The following PREX2 variants were observed in gnomAD, a reference collection of about 807,000 sequenced individuals.
PREX2 encodes the protein phosphatidylinositol 3,4,5-trisphosphate-dependent Rac exchanger 2 protein.
In PREX2, 107 loss-of-function variants were observed where a neutral mutation model predicts 203.2. That is an observed-to-expected ratio of 0.53 (90% confidence interval 0.45 to 0.62). The LOEUF (loss-of-function observed/expected upper bound fraction) is 0.62, where lower values mean the gene tolerates loss of function less well. Ranked by LOEUF, PREX2 falls within the 20% of genes least tolerant of loss-of-function variation. The pLI is 0.00. For missense variants in PREX2, 1,777 were observed against 1,955.9 expected (o/e 0.91, Z 1.72); for synonymous variants, 672 against 663.6 (o/e 1.01, Z -0.19).
chr8:68,121,090 T>G, intron 30 of PREX2, 41 bp downstream of exon 30: 1 of 1,602,100 alleles, frequency 6.2e-7, no homozygotes, highest in Non-Finnish European at 8.5e-7. Context: ...ATATTAGCAA[T>G]AATCAATTTA....
chr8:67,963,038 G>A (rs965689565), intron 1 of PREX2, among the ~76,000 whole-genome samples: 1 of 152,124 alleles, frequency 6.6e-6, no homozygotes, highest in Admixed American at 6.6e-5. Context: ...AGTACCCAAT[G>A]TTCTTTTCTT....
intron 37 of PREX2, among the ~76,000 whole-genome samples, chr8:68,206,437 C>G (rs887900816): frequency 6.6e-6 from 1 of 151,990 alleles, no homozygotes; most frequent in Admixed American, 6.6e-5. Context: ...TAGGATAACC[C>G]CTGTAAGAGC....
intron 11 of PREX2, among the ~76,000 whole-genome samples, chr8:68,067,876 G>C (rs1809067580): frequency 6.6e-6 from 1 of 151,914 alleles, no homozygotes; most frequent in Non-Finnish European, 1.5e-5. Context: ...ATTATGTTGA[G>C]GTGCATTTTG....
At chr8:68,209,996 G>T (rs1812713638) in intron 37 of PREX2, among the ~76,000 whole-genome samples, 1 of 152,140 alleles carries the variant, frequency 6.6e-6, no homozygotes, top group African/African-American at 2.4e-5. Flanking sequence ...AAGTGATTCA[G>T]TTATGTTATT....
rs774338741 is a variant in PREX2, at chr8:68,146,285, T to C, written c.4164T>C (p.Phe1388=). 6.2e-7 allele frequency: 1 copy of C among 1,612,852 alleles called. No homozygotes were observed. Among genetic ancestry groups the C allele is most frequent in the African/African-American group, 1.3e-5 (1 of 74,886 alleles). Residue 1388 remains phenylalanine (F), a synonymous_variant, in exon 34 of 40, where the codon TTT becomes TTC. Transcript: ENST00000288368. Reference sequence around the variant, plus strand: ...ACTTCTACATTGATAGTTATCATTTTGAACAACTTCCTCAACGGCTGAAAA... The same window carrying C: ...ACTTCTACATTGATAGTTATCATTTCGAACAACTTCCTCAACGGCTGAAAA... ...KVYFYIDSYH[F]EQLPQRLKNG... is the part of the protein sequence containing the mutation.
At chr8:67,970,243 C>T (rs1805889936) in intron 1 of PREX2, among the ~76,000 whole-genome samples, 1 of 152,024 alleles carries the variant, frequency 6.6e-6, no homozygotes, top group Non-Finnish European at 1.5e-5. Flanking sequence ...GAGTCATAGC[C>T]TCTAAATTTC....
chr8:68,082,718 A>G (rs1809567066), intron 17 of PREX2: 2 of 152,528 alleles, frequency 1.3e-5, no homozygotes, highest in Non-Finnish European at 2.9e-5. Context: ...TCCTCTTTTC[A>G]GCAGCTTGCA....
Position 68,099,678 on chromosome 8 carries a change from G to T in PREX2, c.2554-4G>T. The T allele has an allele frequency of 6.2e-7, 1 of 1,612,562 alleles. No homozygotes were observed. The highest frequency in any genetic ancestry group is 1.1e-5 in the South Asian group (1 of 91,034). ...TGGGTGTGCGTGTGTGTTTGTCATT[G>T]CAGATTCTTGAAGCCCTGGCTAAAA... On this transcript the variant is annotated splice_region_variant and splice_polypyrimidine_tract_variant and intron_variant, in intron 22 of 39. Coordinates refer to ENST00000288368, the MANE Select transcript of PREX2 (RefSeq NM_024870.4).
At chr8:68,150,226 G>C (rs1009959877) in intron 34 of PREX2, among the ~76,000 whole-genome samples, 1 of 152,166 alleles carries the variant, frequency 6.6e-6, no homozygotes, top group Admixed American at 6.5e-5. Flanking sequence ...ACTGGGAGAG[G>C]CTTTTCCAGG....
In PREX2 at chr8:68,230,775, T is replaced by C. The variant is rs866388444; in HGVS notation, c.4776-558T>C. On this transcript the variant is annotated intron_variant, in intron 39 of 39. Coordinates refer to ENST00000288368, the MANE Select transcript of PREX2 (RefSeq NM_024870.4). Reference sequence around the variant, plus strand: ...CGGGTGAGTGGGCCCTGGGCAGAGCTGGGTAATTTATCCTTAGGAAACTCT... The same window carrying C: ...CGGGTGAGTGGGCCCTGGGCAGAGCCGGGTAATTTATCCTTAGGAAACTCT... Among the ~76,000 whole-genome samples, 16 of 152,270 alleles carry C rather than the reference T, an allele frequency of 1.1e-4. 1 individual carries two copies. The highest frequency in any genetic ancestry group is 3.4e-3 in the Middle Eastern group (1 of 294).
intron 7 of PREX2, 41 bp downstream of exon 7, chr8:68,038,333 T>C (rs1808096678): frequency 6.2e-7 from 1 of 1,601,826 alleles, no homozygotes; most frequent in South Asian, 1.1e-5. Flanking sequence ...GTGGTCACAG[T>C]TTCTACCTTT....
intron 1 of PREX2, among the ~76,000 whole-genome samples, chr8:67,969,367 C>G (rs1805861441): frequency 6.6e-6 from 1 of 152,142 alleles, no homozygotes; most frequent in African/African-American, 2.4e-5. Context: ...TGAGCCCACT[C>G]TCAGGTATTC....
intron 8 of PREX2, among the ~76,000 whole-genome samples, chr8:68,050,101 A>G (rs1424498466): frequency 6.6e-6 from 1 of 151,964 alleles, no homozygotes; most frequent in African/African-American, 2.4e-5. Context: ...TTATTTTTAA[A>G]TTGGTGTGAT....
At chr8:68,222,504 C>T (rs944195906) in intron 38 of PREX2, among the ~76,000 whole-genome samples, 1 of 151,058 alleles carries the variant, frequency 6.6e-6, no homozygotes, top group African/African-American at 2.4e-5. Flanking sequence ...TGAGTCCACA[C>T]TGATTTAAAT....
At chr8:68,048,836 C>T (rs1808439332) in intron 8 of PREX2, among the ~76,000 whole-genome samples, 2 of 151,878 alleles carry the variant, frequency 1.3e-5, no homozygotes, top group Admixed American at 1.3e-4. Flanking sequence ...TATCTTCATG[C>T]CTTATCACCA....
chr8:68,222,367 G>A (rs1402362295), intron 38 of PREX2, among the ~76,000 whole-genome samples: 1 of 149,590 alleles, frequency 6.7e-6, no homozygotes, highest in Non-Finnish European at 1.5e-5. Context: ...AATGATGGCA[G>A]CATATTAAAA....
At chr8:68,202,133 C>T (rs1320542309) in intron 37 of PREX2, among the ~76,000 whole-genome samples, 3 of 152,188 alleles carry the variant, frequency 2.0e-5, no homozygotes, top group African/African-American at 7.2e-5. Context: ...AACTCCTGAA[C>T]TCGTGATCCA....
intron 1 of PREX2, among the ~76,000 whole-genome samples, chr8:67,955,755 A>G (rs1243103001): frequency 6.6e-6 from 1 of 152,164 alleles, no homozygotes; most frequent in African/African-American, 2.4e-5. Context: ...GCATGAATCA[A>G]TGAGTTGACC....
intron 8 of PREX2, among the ~76,000 whole-genome samples, chr8:68,048,471 A>C (rs965601079): frequency 6.6e-6 from 1 of 152,076 alleles, no homozygotes; most frequent in African/African-American, 2.4e-5. Context: ...GAACTGGATA[A>C]GATGAAAAAT....
Sources: allele counts gnomAD v4.1 joint callset (sites outside exome capture counted in the v4.1 genomes callset), GRCh38; gene constraint gnomAD v4.1.1; transcripts MANE v1.5; gene names NCBI Gene and HGNC (gene_info 2026-07-23, HGNC 2026-07-21).